Variants in AGBL4 observed in about 807,000 individuals in gnomAD.
AGBL4 encodes the protein AGBL carboxypeptidase 4, also known as cytosolic carboxypeptidase 6.
A neutral mutation model predicts 66.4 loss-of-function variants in AGBL4; 58 were observed. The ratio of observed to expected loss-of-function variants is 0.87; its 90% CI spans 0.71 to 1.09. The LOEUF is 1.09. Among genes scored for constraint, AGBL4 ranks in the 50% least tolerant of loss-of-function variants. AGBL4 has a pLI of 0.00. For missense variants in AGBL4, 579 were observed against 631.0 expected, an observed-to-expected ratio of 0.92 and a Z score of 0.88; for synonymous variants, 234 against 222.9, an observed-to-expected ratio of 1.05 and a Z score of -0.44.
chr1:49,969,200 G>A (rs575626570), intron 1 of AGBL4, among the ~76,000 whole-genome samples: 1 of 152,208 alleles, frequency 6.6e-6, no homozygotes, highest in South Asian at 2.1e-4. Flanking sequence ...CTTTATTGAG[G>A]TATTACTGAC....
rs142810285 is a variant in AGBL4, at chr1:49,298,664, A to G, written c.283-52800T>C. Among the ~76,000 whole-genome samples, 287 of 151,858 alleles carry G rather than the reference A, an allele frequency of 1.9e-3. 1 individual carries two copies. The highest frequency in any genetic ancestry group is 6.4e-3 in the African/African-American group (266 of 41,338). On this transcript the variant is annotated intron_variant, in intron 3 of 13. Transcript: ENST00000371839. ...TCCCTCCCTCCTCCTTCTTGAAAAT[A>G]AGCTGTCTGGGAAAAAGGAGAGGGC...
chr1:49,012,384 AG>A lies in AGBL4; in HGVS notation c.594+33199del, dbSNP rs373930288. On this transcript the variant is annotated intron_variant, in intron 5 of 13. Coordinates refer to ENST00000371839, the MANE Select transcript of AGBL4 (RefSeq NM_032785.4). ...AAAACATAAAGACAGAATTATGAGCAGGTGGTTGGGGAGTATGTGAGGAAGA... is the reference window on the plus strand; with the variant it reads ...AAAACATAAAGACAGAATTATGAGCAGTGGTTGGGGAGTATGTGAGGAAGA... Among the ~76,000 whole-genome samples the A allele has an allele frequency of 5.1e-4, 77 of 152,300 alleles. 1 individual carries two copies. The highest frequency in any genetic ancestry group is 1.7e-3 in the African/African-American group (69 of 41,574).
intron 3 of AGBL4, among the ~76,000 whole-genome samples, chr1:49,591,718 T>C (rs1027918067): frequency 1.3e-5 from 2 of 152,046 alleles, no homozygotes; most frequent in Non-Finnish European, 2.9e-5. Flanking sequence ...CAAAACAGCA[T>C]AATACTCGTA....
chr1:48,539,551 C>G (rs1644028864), intron 12 of AGBL4, 91 bp downstream of exon 12: 2 of 1,013,074 alleles, frequency 2.0e-6, no homozygotes, highest in Non-Finnish European at 2.7e-6. Flanking sequence ...AGATGGGATG[C>G]TGAGTGTCAG....
chr1:49,186,068 C>T (rs1472071727), intron 4 of AGBL4, among the ~76,000 whole-genome samples: 1 of 152,166 alleles, frequency 6.6e-6, no homozygotes, highest in African/African-American at 2.4e-5. Context: ...CGATGCTCCA[C>T]ACCATCATAA....
At chr1:49,302,781 C>A (rs1048121866) in intron 3 of AGBL4, among the ~76,000 whole-genome samples, 5 of 151,544 alleles carry the variant, frequency 3.3e-5, no homozygotes, top group Admixed American at 6.6e-5. Flanking sequence ...TATTAAGCCC[C>A]ACATGCATTA....
intron 3 of AGBL4, among the ~76,000 whole-genome samples, chr1:49,398,333 T>TCTC (rs1645014062): frequency 5.6e-5 from 8 of 143,600 alleles, no homozygotes; most frequent in South Asian, 2.3e-4. Flanking sequence ...CTCTCTCTCT[T>TCTC]TCTCTCTCTC....
In AGBL4 at chr1:49,545,894, T is replaced by C. The variant is rs565167070; in HGVS notation, c.282+151419A>G. Among the ~76,000 whole-genome samples, 3 of 152,324 alleles carry C rather than the reference T, an allele frequency of 2.0e-5. No individual in the cohort carries two copies. The South Asian group carries it at 6.2e-4, about 32-fold the overall frequency. On this transcript the variant is annotated intron_variant, in intron 3 of 13. Transcript: ENST00000371839. ...CCCTGTGTTTATTTTTATTTATTTT[T>C]CCATAAGTTATGGGAGTACAGGTGG...
intron 3 of AGBL4, among the ~76,000 whole-genome samples, chr1:49,285,639 A>G (rs1331583764): frequency 6.6e-6 from 1 of 152,182 alleles, no homozygotes; most frequent in African/African-American, 2.4e-5. Context: ...CTAATAAAGC[A>G]AAAAAAGAGA....
rs116788693 is a variant in AGBL4 at position 48,596,756 on chromosome 1, C to T, written c.952-5771G>A. On this transcript the variant is annotated intron_variant, in intron 9 of 13. Transcript: ENST00000371839. ...CACTGTGCCCAGCCCATAGCATATA[C>T]ATATATATATTTCTGAAGTGGCACA... Among the ~76,000 whole-genome samples the T allele has an allele frequency of 2.9e-3, 446 of 152,196 alleles. 2 individuals are homozygous for T. The highest frequency in any genetic ancestry group is 9.5e-3 in the African/African-American group (395 of 41,522).
intron 2 of AGBL4, among the ~76,000 whole-genome samples, chr1:49,736,318 C>A (rs923415897): frequency 1.3e-5 from 2 of 151,602 alleles, no homozygotes; most frequent in South Asian, 2.1e-4. Flanking sequence ...AAATCCTCAG[C>A]AAGAGTAACC....
chr1:49,667,332 C>A (rs1646390731), intron 3 of AGBL4, among the ~76,000 whole-genome samples: 1 of 151,930 alleles, frequency 6.6e-6, no homozygotes, highest in Non-Finnish European at 1.5e-5. Context: ...GTGGCACGTG[C>A]CTATAGTTAC....
In AGBL4 at chr1:49,045,135, C is replaced by T. The variant is rs148472251; in HGVS notation, c.594+449G>A. ...TGGCCATCACAACCAAACTGCACACCACTTGCTAACCTGTACTGCAGGCAA... is the reference window on the plus strand; with the variant it reads ...TGGCCATCACAACCAAACTGCACACTACTTGCTAACCTGTACTGCAGGCAA... On this transcript the variant is annotated intron_variant, in intron 5 of 13. Coordinates refer to ENST00000371839, the MANE Select transcript of AGBL4 (RefSeq NM_032785.4). Among the ~76,000 whole-genome samples the T allele has an allele frequency of 2.2e-3, 341 of 152,256 alleles. 2 individuals carry two copies. Among genetic ancestry groups the T allele is most frequent in the Middle Eastern group, 6.8e-3 (2 of 294 alleles).
chr1:48,592,045 T>C (rs35615859), intron 9 of AGBL4, among the ~76,000 whole-genome samples: 3,271 of 152,302 alleles, frequency 0.021, 37 homozygotes, highest in Middle Eastern at 0.044. Context: ...AGATCTTCAA[T>C]TGCCCTCAAA....
intron 6 of AGBL4, among the ~76,000 whole-genome samples, chr1:48,693,627 G>C (rs1646668814): frequency 6.6e-6 from 1 of 152,184 alleles, no homozygotes; most frequent in African/African-American, 2.4e-5. Flanking sequence ...CTGCTGGGCA[G>C]GTCACTGCAC....
At chr1:49,302,747 G>A (rs1279376830) in intron 3 of AGBL4, among the ~76,000 whole-genome samples, 1 of 150,644 alleles carries the variant, frequency 6.6e-6, no homozygotes, top group African/African-American at 2.4e-5. Context: ...GTGGTTTGTT[G>A]CATGTAACAA....
At chr1:48,760,478 A>G (rs1049309057) in intron 6 of AGBL4, among the ~76,000 whole-genome samples, 1 of 152,220 alleles carries the variant, frequency 6.6e-6, no homozygotes, top group Non-Finnish European at 1.5e-5. Flanking sequence ...TTATCTGCTG[A>G]GATAAGGTGC....
At chr1:49,291,778 G>A (rs1644538464) in intron 3 of AGBL4, among the ~76,000 whole-genome samples, 1 of 152,190 alleles carries the variant, frequency 6.6e-6, no homozygotes, top group African/African-American at 2.4e-5. Flanking sequence ...GTGCAGCAGG[G>A]AGGCATGGCT....
intron 3 of AGBL4, among the ~76,000 whole-genome samples, chr1:49,523,756 C>CACACAGTG (rs1238494433): frequency 1.3e-5 from 2 of 151,966 alleles, no homozygotes; most frequent in Admixed American, 6.6e-5. Flanking sequence ...ATCAAGCAAC[C>CACACAGTG]ACACAGTGTT....
Sources: gnomAD v4.1 joint callset for allele counts (sites outside exome capture counted in the v4.1 genomes callset) on GRCh38, gnomAD v4.1.1 for gene constraint, MANE v1.5 for transcripts, NCBI Gene and HGNC (gene_info 2026-07-23, HGNC 2026-07-21) for gene names.